Variants in SAXO1 observed in about 807,000 individuals in gnomAD.
The protein encoded by SAXO1 is 4930500O09Rik.
A neutral mutation model predicts 17.5 loss-of-function variants in SAXO1; 21 were observed. That is an observed-to-expected ratio of 1.20 (90% CI 0.85 to 1.72). SAXO1 has a LOEUF of 1.72. SAXO1 is among the 40% of genes most tolerant of loss of function. The probability of loss-of-function intolerance (pLI) is 0.00; values close to 1 mark genes in which losing one functional copy is unlikely to be tolerated. For synonymous variants in SAXO1, 274 were observed against 216.5 expected, an observed-to-expected ratio of 1.27 and a Z score of -2.33; for missense variants, 843 against 596.0, an observed-to-expected ratio of 1.41 and a Z score of -4.32.
chr9:18,986,283 A>G (rs902776342), intron 1 of SAXO1, among the ~76,000 whole-genome samples: 3 of 152,262 alleles, frequency 2.0e-5, no homozygotes, highest in African/African-American at 7.2e-5. Flanking sequence ...GACAAACAGA[A>G]AATCTTTTTT....
intron 1 of SAXO1, among the ~76,000 whole-genome samples, chr9:18,996,005 G>A (rs1238678594): frequency 2.6e-5 from 4 of 151,620 alleles, no homozygotes; most frequent in Admixed American, 2.6e-4. Flanking sequence ...CTTGAATCCA[G>A]GAGGTGGAGG....
intron 1 of SAXO1, among the ~76,000 whole-genome samples, chr9:19,021,549 G>A (rs1588546503): frequency 6.6e-6 from 1 of 152,266 alleles, no homozygotes; most frequent in Non-Finnish European, 1.5e-5. Flanking sequence ...CACCGCTATA[G>A]ATGATGGGAA....
chr9:19,034,568 CAGAG>C (rs773953514), upstream of SAXO1, among the ~76,000 whole-genome samples: 1 of 152,244 alleles, frequency 6.6e-6, no homozygotes, highest in African/African-American at 2.4e-5. Context: ...TGACATTTTA[CAGAG>C]AGAGAGTTCC....
At chr9:18,962,834 C>T (rs201451705) in intron 1 of SAXO1, among the ~76,000 whole-genome samples, 19 of 152,240 alleles carry the variant, frequency 1.2e-4, no homozygotes, top group Non-Finnish European at 2.4e-4. Context: ...TGGCTTTTGT[C>T]GCCATTGCTT....
chr9:18,937,959 C>T (rs936830354), intron 3 of SAXO1, among the ~76,000 whole-genome samples: 3 of 152,108 alleles, frequency 2.0e-5, no homozygotes, highest in Non-Finnish European at 2.9e-5. Flanking sequence ...ATAGGTTAAT[C>T]TAACTATAAG....
In SAXO1 at chr9:18,941,375, T is replaced by C. The variant is rs181192220; in HGVS notation, c.421+262A>G. Among the ~76,000 whole-genome samples the C allele has an allele frequency of 2.0e-3, 304 of 152,306 alleles. 4 individuals carry two copies. Among genetic ancestry groups the C allele is most frequent in the Non-Finnish European group, 2.7e-3 (186 of 68,028 alleles). ...AATATGGCTGCGTTCCAATAAAACA[T>C]GAACACTGAATTTTCAATTTTATAT... On this transcript the variant is annotated intron_variant, in intron 3 of 3. Transcript: ENST00000380534.
At chr9:18,941,251 G>T (rs1172566348) in intron 3 of SAXO1, among the ~76,000 whole-genome samples, 1 of 152,034 alleles carries the variant, frequency 6.6e-6, no homozygotes, top group Admixed American at 6.6e-5. Flanking sequence ...GGTATTAAGT[G>T]TCTTATGCCT....
intron 1 of SAXO1, among the ~76,000 whole-genome samples, chr9:19,026,430 A>G (rs947583851): frequency 1.3e-5 from 2 of 152,194 alleles, no homozygotes; most frequent in Non-Finnish European, 2.9e-5. Context: ...TCTGTAAAAT[A>G]AAAGAGCTAG....
chr9:19,031,706 T>C (rs1835781983), intron 1 of SAXO1, among the ~76,000 whole-genome samples: 1 of 152,194 alleles, frequency 6.6e-6, no homozygotes, highest in Non-Finnish European at 1.5e-5. Context: ...TGAGTCCCAG[T>C]CCTAGCAAAT....
intron 1 of SAXO1, among the ~76,000 whole-genome samples, chr9:19,029,807 C>A (rs1339998084): frequency 6.6e-6 from 1 of 152,076 alleles, no homozygotes; most frequent in East Asian, 1.9e-4. Flanking sequence ...ATGAAATTGC[C>A]ACAGCTGGCT....
At chr9:19,047,533 G>T (rs1452012816) in intron 1 of SAXO1, among the ~76,000 whole-genome samples, 1 of 152,178 alleles carries the variant, frequency 6.6e-6, no homozygotes, top group Admixed American at 6.5e-5. Flanking sequence ...GGAGAGTCCA[G>T]TACAATGCAA....
upstream of SAXO1, among the ~76,000 whole-genome samples, chr9:19,036,849 G>C (rs1192076479): frequency 6.6e-6 from 1 of 152,170 alleles, no homozygotes; most frequent in Admixed American, 6.5e-5. Flanking sequence ...CCCAAAATGG[G>C]AGATCCACCG....
At chr9:19,042,888 G>T (rs544163230) in intron 1 of SAXO1, among the ~76,000 whole-genome samples, 42 of 151,490 alleles carry the variant, frequency 2.8e-4, no homozygotes, top group Non-Finnish European at 5.2e-4. Flanking sequence ...GAAAGAAAAT[G>T]TGGCCAGGTG....
chr9:19,040,440 C>A (rs1035685677), intron 1 of SAXO1, among the ~76,000 whole-genome samples: 1 of 151,852 alleles, frequency 6.6e-6, no homozygotes, highest in Non-Finnish European at 1.5e-5. Context: ...GCCAGGAGTT[C>A]GAGACCAGCC....
At chr9:18,991,644 A>T (rs1833819033) in intron 1 of SAXO1, among the ~76,000 whole-genome samples, 1 of 152,226 alleles carries the variant, frequency 6.6e-6, no homozygotes, top group Admixed American at 6.5e-5. Context: ...GAAGCAAACC[A>T]ACATGGCACA....
chr9:19,027,253 T>C (rs996562674), intron 1 of SAXO1: 36 of 1,039,176 alleles, frequency 3.5e-5, no homozygotes, highest in Non-Finnish European at 4.9e-5. Context: ...CTACCTGTGA[T>C]TGGATTGGTG....
At chr9:18,934,281 T>C (rs182166680) in intron 3 of SAXO1, among the ~76,000 whole-genome samples, 154 of 150,324 alleles carry the variant, frequency 1.0e-3, no homozygotes, top group Middle Eastern at 3.4e-3. Flanking sequence ...TCTGCCCCCT[T>C]CTTCTCCTTT....
chr9:18,993,030 C>T (rs7864909), intron 1 of SAXO1, among the ~76,000 whole-genome samples: 84,909 of 151,732 alleles, frequency 0.56, 24,237 homozygotes, highest in Non-Finnish European at 0.63. Flanking sequence ...GAACTCCCAG[C>T]CTCAGGTGAT....
rs148410304 is a variant in SAXO1 at position 18,962,613 on chromosome 9, G to A, written c.39-11676C>T. Among the ~76,000 whole-genome samples, 371 of 149,104 alleles carry A rather than the reference G, an allele frequency of 2.5e-3. 2 individuals carry two copies. The highest frequency in any genetic ancestry group is 8.8e-3 in the African/African-American group (354 of 40,254). On this transcript the variant is annotated intron_variant, in intron 1 of 3. Transcript: ENST00000380534. ...ACTCTGATGATAGTTTCTTTTGTGT[G>A]CAGAAGCGTCTGTTCATATCGTTCA...
Sources: allele counts gnomAD v4.1 joint callset (sites outside exome capture counted in the v4.1 genomes callset), GRCh38; gene constraint gnomAD v4.1.1; transcripts MANE v1.5; gene names NCBI Gene and HGNC (gene_info 2026-07-23, HGNC 2026-07-21).